TBC1D23: variants seen among roughly 807,000 people sequenced by gnomAD.
The protein encoded by TBC1D23 is HCV non-structural protein 4A-transactivated protein 1.
In TBC1D23, 55 loss-of-function variants were observed where a neutral mutation model predicts 91.4. That is an observed-to-expected ratio of 0.60 (90% CI 0.48 to 0.75). The LOEUF (loss-of-function observed/expected upper bound fraction) is 0.75. Ranked by LOEUF, TBC1D23 falls within the 30% of genes least tolerant of loss-of-function variation. The pLI, the probability that TBC1D23 is intolerant of heterozygous loss-of-function variation, is 0.00. For missense variants in TBC1D23, 725 were observed against 836.1 expected (o/e 0.87, Z 1.64); for synonymous variants, 289 against 281.0 (o/e 1.03, Z -0.28).
Position 100,314,048 on chromosome 3 carries a change from A to G in TBC1D23, c.1599-2051A>G, listed in dbSNP as rs1311655208. Among the ~76,000 whole-genome samples, 5 of 84,292 alleles carry G rather than the reference A, an allele frequency of 5.9e-5. No individual in the cohort carries two copies. The East Asian group carries it at 1.2e-3, about 19-fold the overall frequency. 55.3% of individuals were successfully genotyped at this position (84,292 alleles called of 152,430 possible). On this transcript the variant is annotated intron_variant, in intron 15 of 18. Transcript: ENST00000394144. Reference sequence around the variant, plus strand: ...AAACTCTCATTATATTTATTGAGGAATGTTATTTTGGAAGAAGTAAATCAA... The same window carrying G: ...AAACTCTCATTATATTTATTGAGGAGTGTTATTTTGGAAGAAGTAAATCAA...
intron 1 of TBC1D23, among the ~76,000 whole-genome samples, chr3:100,265,389 T>G (rs2067549895): frequency 6.6e-6 from 1 of 152,252 alleles, no homozygotes; most frequent in African/African-American, 2.4e-5. Flanking sequence ...TTCAGCCATG[T>G]AAGCTCAAAG....
chr3:100,261,054 G>A lies in TBC1D23; in HGVS notation c.36G>A (p.Thr12=). ...GAGAAGATGTGCCGCCGCTGCCAAC[G>A]TCGAGCGGCGACGGCTGGTGAGTGA... The part of the protein sequence containing the change: ...AEGEDVPPLP[T]SSGDGWEKDL... The change falls in exon 1 of 19, where the codon ACG becomes ACA. Residue 12 remains threonine (T), a synonymous_variant. Coordinates refer to ENST00000394144, the MANE Select transcript of TBC1D23 (RefSeq NM_001199198.3). The A allele has an allele frequency of 1.2e-6, 2 of 1,613,896 alleles. No homozygotes were observed. Among genetic ancestry groups the A allele is most frequent in the Non-Finnish European group, 1.7e-6 (2 of 1,179,770 alleles).
intron 10 of TBC1D23, among the ~76,000 whole-genome samples, chr3:100,300,373 T>C (rs547994693): frequency 9.7e-4 from 148 of 152,290 alleles, no homozygotes; most frequent in Middle Eastern, 3.4e-3. Flanking sequence ...CTAACAGATA[T>C]TGTGAGAAAG....
chr3:100,265,239 G>A lies in TBC1D23; in HGVS notation c.53+4168G>A, dbSNP rs114343045. ...AACTTTCCTGTAATTATGTGCAATA[G>A]CATACTAAGCTGTCATTTCATATAA... On this transcript the variant is annotated intron_variant, in intron 1 of 18. Transcript: ENST00000394144. 1.5e-3 allele frequency among the ~76,000 whole-genome samples: 234 copies of A among 152,270 alleles called. 1 individual carries two copies. The highest frequency in any genetic ancestry group is 2.2e-3 in the Non-Finnish European group (151 of 68,012).
At chr3:100,268,046 C>A (rs1190153252) in intron 1 of TBC1D23, among the ~76,000 whole-genome samples, 1 of 152,024 alleles carries the variant, frequency 6.6e-6, no homozygotes, top group East Asian at 1.9e-4. Context: ...GTGGCACAAA[C>A]CTGTAGTCCC....
chr3:100,273,438 TC>T (rs2067618384), intron 1 of TBC1D23, among the ~76,000 whole-genome samples: 1 of 152,174 alleles, frequency 6.6e-6, no homozygotes, highest in African/African-American at 2.4e-5. Context: ...CTCTTTCTTT[TC>T]CCCACAAAAG....
intron 1 of TBC1D23, among the ~76,000 whole-genome samples, chr3:100,262,045 A>C (rs1018895985): frequency 1.3e-5 from 2 of 152,232 alleles, no homozygotes; most frequent in African/African-American, 4.8e-5. Context: ...AAAAAATGGA[A>C]ATCGTTGAAA....
At position 100,298,022 on chromosome 3, in the gene TBC1D23, C is replaced by T; in HGVS notation, c.976C>T (p.Leu326Phe). The T allele has an allele frequency of 6.2e-7, 1 of 1,613,448 alleles. No individual in the cohort carries two copies. The highest frequency in any genetic ancestry group is 1.1e-5 in the South Asian group (1 of 90,988). ...TCTGGCCATCTCCGTGTCAGAGATC[C>T]TTCAAGCGAATCAGCTACAAGGGGT... ...LCLAISVSEI[L>F]QANQLQGEGV... is the part of the protein sequence containing the mutation. The change falls in exon 9 of 19, where the codon CTT becomes TTT. Residue 326 changes from leucine to phenylalanine, a missense_variant. Transcript: ENST00000394144.
At chr3:100,290,526 G>A (rs926284749) in intron 4 of TBC1D23, 52 bp from the exon 5 acceptor site, 6 of 1,570,842 alleles carry the variant, frequency 3.8e-6, no homozygotes, top group Non-Finnish European at 5.2e-6. Flanking sequence ...TTACTGATGT[G>A]ATTATTTCTG....
intron 1 of TBC1D23, among the ~76,000 whole-genome samples, chr3:100,270,861 A>AT (rs896524815): frequency 1.3e-5 from 2 of 151,834 alleles, no homozygotes; most frequent in South Asian, 2.1e-4. Flanking sequence ...CACAATATTA[A>AT]TTTTTTTTAA....
chr3:100,306,194 C>T (rs1705514660), intron 12 of TBC1D23, among the ~76,000 whole-genome samples: 1 of 152,180 alleles, frequency 6.6e-6, no homozygotes. Flanking sequence ...CAGTTATCAT[C>T]ACATTGGCGT....
chr3:100,316,273 T>C (rs1185494546), intron 16 of TBC1D23, 86 bp downstream of exon 16: 2 of 933,824 alleles, frequency 2.1e-6, no homozygotes, highest in African/African-American at 3.3e-5. Context: ...AATCAACTGC[T>C]TTTTTAAAAA....
At chr3:100,267,270 C>A in intron 1 of TBC1D23, 1 of 438,490 alleles carries the variant, frequency 2.3e-6, no homozygotes, top group Non-Finnish European at 4.5e-6. Flanking sequence ...CCATTAAGCT[C>A]ATAAAATCAA....
intron 2 of TBC1D23, 21 bp from the exon 3 acceptor site, chr3:100,281,721 C>CT (rs2067696373): frequency 6.6e-7 from 1 of 1,518,556 alleles, no homozygotes; most frequent in Non-Finnish European, 9.1e-7. Flanking sequence ...AAGCTAGTCA[C>CT]TTTTTAAATC....
chr3:100,284,773 T>C (rs1038753848), intron 4 of TBC1D23, among the ~76,000 whole-genome samples: 5 of 152,176 alleles, frequency 3.3e-5, no homozygotes, highest in Non-Finnish European at 7.4e-5. Context: ...AAAGAAACTT[T>C]AGACATAGTC....
rs1448454637 is a variant in TBC1D23 at position 100,302,067 on chromosome 3, A to G, written c.1093A>G (p.Met365Val). The change falls in exon 11 of 19, where the codon ATG becomes GTG. Residue 365 changes from methionine to valine, a missense_variant and splice_region_variant. Physicochemically the swap from Met to Val is conservative, Grantham distance 21. Coordinates refer to ENST00000394144, the MANE Select transcript of TBC1D23 (RefSeq NM_001199198.3). ...STAFHLDSDL[M>V]LQNPSEFAQS... Reference sequence around the variant, plus strand: ...TTTTAACTTTAAAAAAATTGTCTAGATGCTTCAGAATCCATCTGAGTTTGC... The same window carrying G: ...TTTTAACTTTAAAAAAATTGTCTAGGTGCTTCAGAATCCATCTGAGTTTGC... 6.3e-7 allele frequency: 1 copy of G among 1,598,942 alleles called. No individual in the cohort carries two copies. Among genetic ancestry groups the G allele is most frequent in the South Asian group, 1.1e-5 (1 of 87,304 alleles).
chr3:100,280,760 A>G (rs2067687189), intron 2 of TBC1D23, among the ~76,000 whole-genome samples: 2 of 152,362 alleles, frequency 1.3e-5, no homozygotes, highest in Middle Eastern at 6.8e-3. Flanking sequence ...ACATTTAGCC[A>G]GTGTTGTTTG....
At chr3:100,277,395 C>G (rs1218425717) in intron 1 of TBC1D23, among the ~76,000 whole-genome samples, 1 of 152,162 alleles carries the variant, frequency 6.6e-6, no homozygotes, top group Non-Finnish European at 1.5e-5. Flanking sequence ...TTCTGGTCTT[C>G]AAAGGAGCCC....
At chr3:100,290,159 T>G (rs1456820040) in intron 4 of TBC1D23, among the ~76,000 whole-genome samples, 1 of 152,220 alleles carries the variant, frequency 6.6e-6, no homozygotes, top group Non-Finnish European at 1.5e-5. Flanking sequence ...CATTTCAGAC[T>G]TGTACTTTGC....
Sources: allele counts gnomAD v4.1 joint callset (sites outside exome capture counted in the v4.1 genomes callset), GRCh38; gene constraint gnomAD v4.1.1; transcripts MANE v1.5; gene names NCBI Gene and HGNC (gene_info 2026-07-23, HGNC 2026-07-21).